MSR1: variants seen among roughly 807,000 people sequenced by gnomAD.
The protein encoded by MSR1 is macrophage scavenger receptor types I and II.
Under a neutral mutation model 47.2 loss-of-function variants are expected in MSR1, and 53 were observed. The observed-to-expected ratio is 1.12, with a 90% CI of 0.90 to 1.41. The LOEUF (loss-of-function observed/expected upper bound fraction) is 1.41, where lower values mean the gene tolerates loss of function less well. Ranked by LOEUF, MSR1 falls within the 40% of genes most tolerant of loss-of-function variation. The pLI, the probability that MSR1 is intolerant of heterozygous loss-of-function variation, is 0.00. For synonymous variants in MSR1, 239 were observed against 185.6 expected (o/e 1.29, Z -2.34); for missense variants, 786 against 546.9 (o/e 1.44, Z -4.36).
chr8:16,140,929 G>A (rs144128888), intron 8 of MSR1: 83 of 1,613,032 alleles, frequency 5.1e-5, no homozygotes, highest in Middle Eastern at 1.7e-4. Context: ...CAGTTGTGCA[G>A]ATGACTTGTC....
At chr8:16,157,353 A>G (rs2117151338) in intron 5 of MSR1, among the ~76,000 whole-genome samples, 1 of 152,044 alleles carries the variant, frequency 6.6e-6, no homozygotes, top group African/African-American at 2.4e-5. Context: ...AATCACAGCG[A>G]ATAGATCAGT....
chr8:16,126,762 G>C (rs1800138561), intron 8 of MSR1, among the ~76,000 whole-genome samples: 1 of 152,136 alleles, frequency 6.6e-6, no homozygotes, highest in Admixed American at 6.5e-5. Flanking sequence ...TCACCACGTA[G>C]CCTAGGCTGG....
At chr8:16,181,413 T>C (rs1366590253) in intron 1 of MSR1, among the ~76,000 whole-genome samples, 2 of 152,076 alleles carry the variant, frequency 1.3e-5, no homozygotes, top group Admixed American at 1.3e-4. Context: ...TGCCCATCAA[T>C]GATAGATTGG....
intron 1 of MSR1, among the ~76,000 whole-genome samples, chr8:16,188,439 C>T (rs1802065328): frequency 6.6e-6 from 1 of 152,000 alleles, no homozygotes; most frequent in Admixed American, 6.6e-5. Flanking sequence ...TGGTATTACG[C>T]GTTTTCCTTA....
chr8:16,145,381 G>A (rs1299559335), intron 7 of MSR1, among the ~76,000 whole-genome samples: 1 of 152,020 alleles, frequency 6.6e-6, no homozygotes, highest in African/African-American at 2.4e-5. Context: ...AATTAGGGAA[G>A]GGAGGAGTTA....
intron 9 of MSR1, among the ~76,000 whole-genome samples, chr8:16,115,091 A>G (rs1428684978): frequency 6.6e-6 from 1 of 152,108 alleles, no homozygotes; most frequent in Non-Finnish European, 1.5e-5. Context: ...AGGTAGGAGA[A>G]TCGCTTGAAC....
intron 8 of MSR1, among the ~76,000 whole-genome samples, chr8:16,123,835 CTGCA>C (rs1800066428): frequency 6.6e-6 from 1 of 152,148 alleles, no homozygotes; most frequent in South Asian, 2.1e-4. Flanking sequence ...AGTTAGGTAT[CTGCA>C]ATAGCTGACC....
intron 1 of MSR1, chr8:16,186,225 T>A: frequency 6.5e-7 from 1 of 1,532,618 alleles, no homozygotes; most frequent in Non-Finnish European, 8.7e-7. Context: ...GAGTTTTATT[T>A]ATTTCTGGGT....
At chr8:16,173,705 G>C (rs1328047701) in intron 3 of MSR1, among the ~76,000 whole-genome samples, 1 of 152,030 alleles carries the variant, frequency 6.6e-6, no homozygotes, top group African/African-American at 2.4e-5. Flanking sequence ...CTGGAGCACA[G>C]TGGCGCGATC....
intron 5 of MSR1, among the ~76,000 whole-genome samples, chr8:16,156,500 G>T (rs1201216439): frequency 2.0e-5 from 3 of 151,768 alleles, no homozygotes; most frequent in African/African-American, 4.8e-5. Flanking sequence ...AGAGGCCCAA[G>T]ATATCATTAT....
intron 8 of MSR1, among the ~76,000 whole-genome samples, chr8:16,130,100 G>A (rs1008145671): frequency 2.6e-5 from 4 of 152,196 alleles, no homozygotes; most frequent in Admixed American, 1.3e-4. Context: ...TCTGGTGAGA[G>A]TGAGGCTGTG....
chr8:16,127,587 G>C (rs1300471140), intron 8 of MSR1, among the ~76,000 whole-genome samples: 5 of 152,130 alleles, frequency 3.3e-5, no homozygotes, highest in Admixed American at 3.3e-4. Context: ...AGTAGAGACA[G>C]AGTTATTTTG....
intron 6 of MSR1, 136 bp downstream of exon 6, chr8:16,154,928 G>T: frequency 1.4e-6 from 1 of 712,204 alleles, no homozygotes; most frequent in Non-Finnish European, 2.4e-6. Context: ...ACACACATGT[G>T]CGTGCATACA....
chr8:16,165,263 C>G (rs752786430), intron 4 of MSR1, among the ~76,000 whole-genome samples: 4 of 152,034 alleles, frequency 2.6e-5, no homozygotes, highest in Non-Finnish European at 5.9e-5. Flanking sequence ...GTATCAGCGT[C>G]CACTTTTTGC....
chr8:16,134,787 T>C (rs1474928950), intron 8 of MSR1, among the ~76,000 whole-genome samples: 1 of 152,146 alleles, frequency 6.6e-6, no homozygotes, highest in Non-Finnish European at 1.5e-5. Flanking sequence ...CAATTAAAAG[T>C]GCCACTCCAG....
Position 16,187,951 on chromosome 8 carries a change from C to G in MSR1, c.-5+4647G>C, listed in dbSNP as rs1298316107. Among the ~76,000 whole-genome samples, 7 of 152,256 alleles carry G rather than the reference C, an allele frequency of 4.6e-5. No homozygotes were observed. The East Asian group carries it at 1.4e-3, about 29-fold the overall frequency. On this transcript the variant is annotated intron_variant, in intron 1 of 9. Coordinates refer to ENST00000262101, the MANE Select transcript of MSR1 (RefSeq NM_138715.3). Reference sequence around the variant, plus strand: ...TTTTTTAGTAACGTGAACATACATACTTGCATGAGCCTTCATTAGCAGGCA... The same window carrying G: ...TTTTTTAGTAACGTGAACATACATAGTTGCATGAGCCTTCATTAGCAGGCA...
intron 8 of MSR1, among the ~76,000 whole-genome samples, chr8:16,134,050 T>A (rs1457876094): frequency 6.6e-6 from 1 of 152,178 alleles, no homozygotes; most frequent in African/African-American, 2.4e-5. Flanking sequence ...TCTTCAATAT[T>A]TTCTTATCCC....
Position 16,164,246 on chromosome 8 carries a change from G to T in MSR1, c.636C>A (p.Ile212=), listed in dbSNP as rs1801242451. ...TGTAAACACGCTCCTCTAATTTACT[G>T]ATTTCCTGTAAAACATAAGTGAGCA... ...QENTFKQQEE[I]SKLEERVYNV... is the part of the protein sequence containing the mutation. The change falls in exon 5 of 10, where the codon ATC becomes ATA. Residue 212 remains isoleucine, a synonymous_variant. Transcript: ENST00000262101. The T allele has an allele frequency of 6.2e-7, 1 of 1,611,026 alleles. No individual in the cohort carries two copies. The highest frequency in any genetic ancestry group is 8.5e-7 in the Non-Finnish European group (1 of 1,178,306).
At chr8:16,187,134 G>C (rs556616518) in intron 1 of MSR1, among the ~76,000 whole-genome samples, 2 of 151,618 alleles carry the variant, frequency 1.3e-5, no homozygotes, top group African/African-American at 2.4e-5. Flanking sequence ...AGGCTGAGGC[G>C]GGTGGATCAC....
Sources: allele counts gnomAD v4.1 joint callset (sites outside exome capture counted in the v4.1 genomes callset), GRCh38; gene constraint gnomAD v4.1.1; transcripts MANE v1.5; gene names NCBI Gene and HGNC (gene_info 2026-07-23, HGNC 2026-07-21).